The following PTPRT variants were observed in gnomAD, a reference collection of about 807,000 sequenced individuals.
The protein encoded by PTPRT is receptor-type tyrosine-protein phosphatase T.
A neutral mutation model predicts 176.8 loss-of-function variants in PTPRT; 56 were observed. That is an observed-to-expected ratio of 0.32 (90% CI 0.26 to 0.40). PTPRT has a LOEUF of 0.40. Among genes scored for constraint, PTPRT ranks in the 10% least tolerant of loss-of-function variants. The probability of loss-of-function intolerance (pLI) is 1.00; values close to 1 mark genes in which losing one functional copy is unlikely to be tolerated. For synonymous variants in PTPRT, 783 were observed against 739.0 expected (o/e 1.06, Z -0.96); for missense variants, 1,540 against 1,908.2 (o/e 0.81, Z 3.60).
intron 1 of PTPRT, among the ~76,000 whole-genome samples, chr20:42,967,344 G>A (rs2146053504): frequency 6.6e-6 from 1 of 152,202 alleles, no homozygotes; most frequent in South Asian, 2.1e-4. Context: ...GTTTACCAAG[G>A]TGGGCCCTAA....
chr20:42,948,205 C>T (rs976208194), intron 1 of PTPRT, among the ~76,000 whole-genome samples: 2 of 152,200 alleles, frequency 1.3e-5, no homozygotes, highest in African/African-American at 4.8e-5. Flanking sequence ...CAAGGCCCTG[C>T]ACCAGGACCC....
intron 3 of PTPRT, among the ~76,000 whole-genome samples, chr20:42,786,974 G>T (rs972626442): frequency 6.6e-6 from 1 of 152,164 alleles, no homozygotes; most frequent in African/African-American, 2.4e-5. Context: ...GCCAAATCCA[G>T]CCCACCACCT....
intron 1 of PTPRT, among the ~76,000 whole-genome samples, chr20:43,112,227 T>A (rs1316961635): frequency 6.6e-6 from 1 of 152,142 alleles, no homozygotes; most frequent in African/African-American, 2.4e-5. Context: ...AGATTTTTAT[T>A]TGATTGGATA....
intron 9 of PTPRT, among the ~76,000 whole-genome samples, chr20:42,377,164 C>T (rs10485690): frequency 1.3e-5 from 2 of 152,114 alleles, no homozygotes; most frequent in Non-Finnish European, 2.9e-5. Context: ...CTTGAAGAAC[C>T]TTTGCAGAAA....
At chr20:43,122,255 C>G (rs2013287497) in intron 1 of PTPRT, among the ~76,000 whole-genome samples, 1 of 152,138 alleles carries the variant, frequency 6.6e-6, no homozygotes, top group Non-Finnish European at 1.5e-5. Flanking sequence ...ATCCAAAGGC[C>G]CCAGTCCAGT....
rs536386405 is a variant in PTPRT, at chr20:43,153,369, T to C, written c.88+36277A>G. 2.0e-5 allele frequency among the ~76,000 whole-genome samples: 3 copies of C among 152,150 alleles called. No homozygotes were observed. The South Asian group carries it at 6.2e-4, about 32-fold the overall frequency. ...TGGAAAAGCCAGTGGGCTAAGGAGG[T>C]AGAAATTTTTACTTATTTTCCATAA... On this transcript the variant is annotated intron_variant, in intron 1 of 30. Coordinates refer to ENST00000373187, the MANE Select transcript of PTPRT (RefSeq NM_007050.6).
At chr20:42,971,221 A>G (rs1161171156) in intron 1 of PTPRT, 1 of 152,270 alleles carries the variant, frequency 6.6e-6, no homozygotes, top group African/African-American at 2.4e-5. Flanking sequence ...AAGTGCATGT[A>G]GAAACTAATT....
rs1007007962 is a variant in PTPRT, at chr20:42,580,982, C to T, written c.1153+96884G>A. Among the ~76,000 whole-genome samples, 7 of 152,184 alleles carry T rather than the reference C, an allele frequency of 4.6e-5. No individual in the cohort carries two copies. In the South Asian group the frequency reaches 1.2e-3, roughly 27 times the overall value. Reference sequence around the variant, plus strand: ...GAGAGAGGGCATCCCTGTCTTGTGCCGAGTCTTGCAAGTTCTTGTCTCCAG... The same window carrying T: ...GAGAGAGGGCATCCCTGTCTTGTGCTGAGTCTTGCAAGTTCTTGTCTCCAG... On this transcript the variant is annotated intron_variant, in intron 7 of 30. Coordinates refer to ENST00000373187, the MANE Select transcript of PTPRT (RefSeq NM_007050.6).
chr20:42,538,129 A>G (rs890202269), intron 7 of PTPRT, among the ~76,000 whole-genome samples: 2 of 151,768 alleles, frequency 1.3e-5, no homozygotes, highest in African/African-American at 4.9e-5. Context: ...AGAGATTATA[A>G]AAAAGAAAAA....
chr20:42,617,876 C>A (rs1374699269), intron 7 of PTPRT, among the ~76,000 whole-genome samples: 4 of 137,882 alleles, frequency 2.9e-5, no homozygotes, highest in Admixed American at 2.8e-4. Context: ...TTTGTTGATC[C>A]TTTCAAAAAA....
chr20:42,561,501 C>T (rs1033977172), intron 7 of PTPRT, among the ~76,000 whole-genome samples: 1 of 152,180 alleles, frequency 6.6e-6, no homozygotes, highest in Non-Finnish European at 1.5e-5. Flanking sequence ...ATAAATGATC[C>T]CATAGGTGTG....
chr20:42,996,967 A>G (rs1984256207), intron 1 of PTPRT, among the ~76,000 whole-genome samples: 1 of 152,210 alleles, frequency 6.6e-6, no homozygotes, highest in Non-Finnish European at 1.5e-5. Context: ...GCTTGCTATA[A>G]TAATTAGTGG....
At chr20:43,145,636 TC>T (rs2014147191) in intron 1 of PTPRT, among the ~76,000 whole-genome samples, 1 of 152,222 alleles carries the variant, frequency 6.6e-6, no homozygotes, top group Admixed American at 6.5e-5. Context: ...ACTTTCAGCT[TC>T]CATTTTTATC....
chr20:42,260,169 AGACTAC>A (rs1347269963), intron 13 of PTPRT, among the ~76,000 whole-genome samples: 2 of 102,800 alleles, frequency 1.9e-5, no homozygotes, highest in Non-Finnish European at 5.0e-5. Context: ...AAACAAAACT[AGACTAC>A]AAACTTGATT....
At chr20:42,607,550 A>G in intron 7 of PTPRT, 1 of 152,380 alleles carries the variant, frequency 6.6e-6, no homozygotes, top group East Asian at 1.9e-4. Context: ...TACGCAAGAC[A>G]TTGCTTTGAA....
At chr20:43,066,680 T>TG (rs1438180195) in intron 1 of PTPRT, among the ~76,000 whole-genome samples, 6 of 152,152 alleles carry the variant, frequency 3.9e-5, no homozygotes, top group Non-Finnish European at 5.9e-5. Flanking sequence ...ACCTGAACTG[T>TG]GGGGCATAGC....
chr20:43,169,982 T>C (rs2014955773), intron 1 of PTPRT, among the ~76,000 whole-genome samples: 1 of 152,140 alleles, frequency 6.6e-6, no homozygotes, highest in Non-Finnish European at 1.5e-5. Context: ...CGCAGTGCAT[T>C]AGAAGGCAAG....
intron 21 of PTPRT, chr20:42,115,943 C>T (rs1039555453): frequency 1.6e-4 from 109 of 685,118 alleles, no homozygotes; most frequent in African/African-American, 1.1e-3. Flanking sequence ...TGACCCTGGA[C>T]GCGAGCAAGC....
intron 9 of PTPRT, among the ~76,000 whole-genome samples, chr20:42,416,750 A>G (rs1381363353): frequency 2.6e-5 from 4 of 152,218 alleles, no homozygotes. Context: ...ACTTGATAAA[A>G]TATTACATAG....
Sources: allele counts gnomAD v4.1 joint callset (sites outside exome capture counted in the v4.1 genomes callset), GRCh38; gene constraint gnomAD v4.1.1; transcripts MANE v1.5; gene names NCBI Gene and HGNC (gene_info 2026-07-23, HGNC 2026-07-21).